Variants in DOCK1 observed in about 807,000 individuals in gnomAD.
The protein encoded by DOCK1 is dedicator of cytokinesis protein 1.
DOCK1 carries 138 observed loss-of-function variants against 262.7 expected under a neutral mutation model. That is an observed-to-expected ratio of 0.53 (90% CI 0.46 to 0.61). The LOEUF (loss-of-function observed/expected upper bound fraction) is 0.61, where lower values mean the gene tolerates loss of function less well. Among genes scored for constraint, DOCK1 ranks in the 20% least tolerant of loss-of-function variants. The probability of loss-of-function intolerance (pLI) is 0.00; values close to 1 mark genes in which losing one functional copy is unlikely to be tolerated. For synonymous variants in DOCK1, 866 were observed against 867.4 expected, an observed-to-expected ratio of 1.00 and a Z score of 0.03; for missense variants, 1,908 against 2,370.7, an observed-to-expected ratio of 0.80 and a Z score of 4.05.
At position 127,106,911 on chromosome 10, in the gene DOCK1, A is replaced by G. The variant is rs192734309; in HGVS notation, c.2516+610A>G. ...GTTTGTTTCCTAATCTGTTGGTATC[A>G]CTGCATTCTGAAAGTGCCATTGTGA... is the stretch of plus-strand genomic sequence containing the variant. On this transcript the variant is annotated intron_variant, in intron 24 of 51. Coordinates refer to ENST00000623213, the MANE Select transcript of DOCK1 (RefSeq NM_001290223.2). Among the ~76,000 whole-genome samples, 618 of 152,150 alleles carry G rather than the reference A, an allele frequency of 4.1e-3. 4 individuals carry two copies. The highest frequency in any genetic ancestry group is 0.014 in the African/African-American group (561 of 41,512).
At chr10:126,981,368 C>T (rs772428038) in intron 3 of DOCK1, among the ~76,000 whole-genome samples, 4 of 152,176 alleles carry the variant, frequency 2.6e-5, no homozygotes, top group East Asian at 1.9e-4. Flanking sequence ...TGAGGGAGGC[C>T]GACCAGCTTA....
chr10:127,028,496 A>G (rs2043030275), intron 16 of DOCK1, among the ~76,000 whole-genome samples: 1 of 151,796 alleles, frequency 6.6e-6, no homozygotes, highest in Admixed American at 6.6e-5. Context: ...GGGCTTGGAA[A>G]CCCCAGGTCA....
At chr10:127,394,982 G>A (rs1419558273) in intron 38 of DOCK1, among the ~76,000 whole-genome samples, 1 of 152,200 alleles carries the variant, frequency 6.6e-6, no homozygotes, top group Non-Finnish European at 1.5e-5. Flanking sequence ...ACTTCACAGA[G>A]GTGGTTACAT....
chr10:127,094,694 G>T (rs2047798169), intron 23 of DOCK1, among the ~76,000 whole-genome samples: 1 of 152,156 alleles, frequency 6.6e-6, no homozygotes, highest in African/African-American at 2.4e-5. Context: ...GTTCCCGAAG[G>T]GCTCCATTTT....
At chr10:127,194,792 G>C (rs2483867) in intron 27 of DOCK1, among the ~76,000 whole-genome samples, 124,031 of 152,128 alleles carry the variant, frequency 0.82, 51,057 homozygotes, top group South Asian at 0.92. Flanking sequence ...ATGATCGTTT[G>C]GCTTCCCAGC....
intron 23 of DOCK1, among the ~76,000 whole-genome samples, chr10:127,082,397 A>G (rs1211901454): frequency 6.6e-6 from 1 of 152,174 alleles, no homozygotes; most frequent in Admixed American, 6.5e-5. Flanking sequence ...ACAGTTCCAC[A>G]TGGCTGGGGA....
At chr10:126,946,454 G>A (rs1452049148) in intron 1 of DOCK1, among the ~76,000 whole-genome samples, 1 of 152,142 alleles carries the variant, frequency 6.6e-6, no homozygotes, top group Non-Finnish European at 1.5e-5. Flanking sequence ...GGCTGAGGCA[G>A]GAGAATCGCT....
At chr10:127,112,086 C>T (rs763640574) in intron 25 of DOCK1, among the ~76,000 whole-genome samples, 1 of 151,888 alleles carries the variant, frequency 6.6e-6, no homozygotes, top group Non-Finnish European at 1.5e-5. Context: ...ATCTCAGCTC[C>T]CTGCAACCTC....
At chr10:127,381,783 A>G (rs2065838855) in intron 37 of DOCK1, among the ~76,000 whole-genome samples, 1 of 152,202 alleles carries the variant, frequency 6.6e-6, no homozygotes, top group Admixed American at 6.5e-5. Flanking sequence ...TAGGGACCAG[A>G]TCATGACTTT....
At chr10:127,018,475 T>C (rs1461791941) in intron 12 of DOCK1, 2 of 563,866 alleles carry the variant, frequency 3.5e-6, no homozygotes, top group Admixed American at 6.2e-5. Flanking sequence ...CTGATGTGCG[T>C]TCAGCTGTCT....
At position 127,023,211 on chromosome 10, in the gene DOCK1, A is replaced by G; in HGVS notation, c.1339A>G (p.Asn447Asp). The G allele has an allele frequency of 6.2e-7, 1 of 1,613,612 alleles. No individual in the cohort carries two copies. The highest frequency in any genetic ancestry group is 2.2e-5 in the East Asian group (1 of 44,898). Residue 447 changes from asparagine to aspartate, a missense_variant, in exon 14 of 52, where the codon AAT becomes GAT. Around this residue, in one of 9 missense-constraint regions of DOCK1, gnomAD observed 294 missense variants for 439.9 expected, o/e 0.67. Coordinates refer to ENST00000623213, the MANE Select transcript of DOCK1 (RefSeq NM_001290223.2). The part of the protein sequence containing the change: ...PEIIMPGDVR[N>D]DIYVTLVQGD... ...TTCTCCCCCCTCAGGTGATGTTCGA[A>G]ATGATATCTATGTAACATTAGTTCA...
chr10:127,316,518 A>T (rs1388681755), intron 29 of DOCK1, among the ~76,000 whole-genome samples: 1 of 152,182 alleles, frequency 6.6e-6, no homozygotes, highest in African/African-American at 2.4e-5. Flanking sequence ...TTCATTCTGA[A>T]TCGACTACTA....
intron 29 of DOCK1, among the ~76,000 whole-genome samples, chr10:127,287,056 T>A (rs1306319728): frequency 6.6e-6 from 1 of 151,908 alleles, no homozygotes. Flanking sequence ...TACAAGCACC[T>A]GCCACCAAGC....
At chr10:126,941,229 C>T (rs1209613034) in intron 1 of DOCK1, among the ~76,000 whole-genome samples, 1 of 152,088 alleles carries the variant, frequency 6.6e-6, no homozygotes, top group Non-Finnish European at 1.5e-5. Context: ...GTCTAGTGGA[C>T]ACAGGGGACA....
chr10:126,940,952 A>T (rs1473638843), intron 1 of DOCK1, among the ~76,000 whole-genome samples: 2 of 152,222 alleles, frequency 1.3e-5, no homozygotes, highest in Non-Finnish European at 2.9e-5. Flanking sequence ...TCGGAGGATG[A>T]TTAAATGTAG....
intron 29 of DOCK1, among the ~76,000 whole-genome samples, chr10:127,319,041 CTCCTTG>C (rs2062406748): frequency 6.6e-6 from 1 of 152,202 alleles, no homozygotes; most frequent in Admixed American, 6.5e-5. Context: ...AGGGATCTGC[CTCCTTG>C]CCTCCTCTCT....
chr10:127,088,425 G>T (rs573425999), intron 23 of DOCK1, among the ~76,000 whole-genome samples: 1 of 152,202 alleles, frequency 6.6e-6, no homozygotes, highest in Admixed American at 6.5e-5. Context: ...CTGCCTAGTG[G>T]TTATGTGCAT....
chr10:126,988,377 A>G (rs1280897603), intron 5 of DOCK1: 1 of 152,258 alleles, frequency 6.6e-6, no homozygotes, highest in Admixed American at 6.5e-5. Flanking sequence ...TTGAGAACAT[A>G]GAAAACTTCC....
At chr10:127,424,586 G>A (rs957421025) in intron 46 of DOCK1, among the ~76,000 whole-genome samples, 40 of 152,268 alleles carry the variant, frequency 2.6e-4, no homozygotes, top group African/African-American at 8.7e-4. Flanking sequence ...AAGTTGTCCC[G>A]GTCTGTCTGC....
Sources: allele counts gnomAD v4.1 joint callset (sites outside exome capture counted in the v4.1 genomes callset), GRCh38; gene constraint gnomAD v4.1.1; regional missense constraint gnomAD v4.1.1; transcripts MANE v1.5; gene names NCBI Gene and HGNC (gene_info 2026-07-23, HGNC 2026-07-21).